The following CHST10 variants were observed in gnomAD, a reference collection of about 807,000 sequenced individuals.
The protein encoded by CHST10 is HNK-1 sulfotransferase.
CHST10 carries 24 observed loss-of-function variants against 34.7 expected under a neutral mutation model. The ratio of observed to expected loss-of-function variants is 0.69; its 90% CI spans 0.50 to 0.97. CHST10 has a LOEUF of 0.97. Ranked by LOEUF, CHST10 falls within the 50% of genes least tolerant of loss-of-function variation. The pLI is 0.00. For synonymous variants in CHST10, 161 were observed against 169.3 expected, an observed-to-expected ratio of 0.95 and a Z score of 0.38; for missense variants, 402 against 452.1, an observed-to-expected ratio of 0.89 and a Z score of 1.00.
rs201022725 is a variant in CHST10, at chr2:100,393,796, C to A, written c.534-14G>T. 4.4e-6 allele frequency: 7 copies of A among 1,597,500 alleles called. 1 individual carries two copies. The highest frequency in any genetic ancestry group is 3.3e-5 in the South Asian group (3 of 90,704). ...TATGTTTTCAATCTAAGGAAAAAAA[C>A]GAACAAGAGGTTAACTTGATGCCAC... On this transcript the variant is annotated splice_polypyrimidine_tract_variant and intron_variant, in intron 6 of 6. Transcript: ENST00000264249.
intron 3 of CHST10, among the ~76,000 whole-genome samples, chr2:100,404,514 T>A (rs1675484083): frequency 6.6e-6 from 1 of 152,164 alleles, no homozygotes; most frequent in Non-Finnish European, 1.5e-5. Context: ...TCCTTACCAC[T>A]CCTTTTCTCC....
chr2:100,417,062 T>C, intron 1 of CHST10: 3 of 1,303,964 alleles, frequency 2.3e-6, no homozygotes, highest in Non-Finnish European at 3.0e-6. Flanking sequence ...CCTTTCTTCC[T>C]CTCTCCATCT....
intron 4 of CHST10, among the ~76,000 whole-genome samples, chr2:100,399,384 C>T (rs774552676): frequency 7.9e-5 from 12 of 152,298 alleles, no homozygotes; most frequent in East Asian, 5.8e-4. Flanking sequence ...GGATTACAGG[C>T]GTAAGCCACC....
At chr2:100,401,382 TA>T (rs1405215877) in intron 4 of CHST10, among the ~76,000 whole-genome samples, 2 of 152,196 alleles carry the variant, frequency 1.3e-5, no homozygotes, top group African/African-American at 4.8e-5. Context: ...GCAGTCTTTT[TA>T]TTTGCAATGA....
intron 2 of CHST10, among the ~76,000 whole-genome samples, chr2:100,414,454 G>C (rs1411660135): frequency 6.6e-6 from 1 of 152,134 alleles, no homozygotes; most frequent in East Asian, 1.9e-4. Flanking sequence ...AGACAGACCA[G>C]GGCTGCAGAA....
At chr2:100,397,585 C>G (rs1573176231) in intron 5 of CHST10, among the ~76,000 whole-genome samples, 2 of 152,114 alleles carry the variant, frequency 1.3e-5, no homozygotes, top group South Asian at 4.1e-4. Flanking sequence ...GTGACTATAA[C>G]CATCAGCACA....
At chr2:100,400,537 G>T (rs575772139) in intron 4 of CHST10, among the ~76,000 whole-genome samples, 84 of 152,318 alleles carry the variant, frequency 5.5e-4, no homozygotes, top group Non-Finnish European at 7.4e-4. Context: ...ACCATGCCCA[G>T]CTAAAGAAAA....
intron 5 of CHST10, among the ~76,000 whole-genome samples, chr2:100,396,962 T>C (rs17024185): frequency 0.017 from 2,533 of 152,310 alleles, 21 homozygotes; most frequent in African/African-American, 0.031. Context: ...ATTAATTATA[T>C]GTGACAACCA....
In CHST10 at chr2:100,395,622, G is replaced by A; in HGVS notation, c.428-8C>T. ...CAATGGAAGAAAATGCTCCTGGGAA[G>A]TAAACGGAAAGGAAGGCAGGTTGGC... On this transcript the variant is annotated splice_polypyrimidine_tract_variant and splice_region_variant and intron_variant, in intron 5 of 6. Coordinates refer to ENST00000264249, the MANE Select transcript of CHST10 (RefSeq NM_004854.5). 1 of 1,612,482 alleles carries A rather than the reference G, an allele frequency of 6.2e-7. No individual in the cohort carries two copies. Among genetic ancestry groups the A allele is most frequent in the Non-Finnish European group, 8.5e-7 (1 of 1,178,608 alleles).
At chr2:100,414,922 G>T in intron 2 of CHST10, 119 bp downstream of exon 2, 1 of 547,906 alleles carries the variant, frequency 1.8e-6, no homozygotes, top group Non-Finnish European at 2.8e-6. Context: ...ACGTTTCTAA[G>T]CACACATTTA....
At chr2:100,394,618 G>A (rs963760560) in intron 6 of CHST10, among the ~76,000 whole-genome samples, 9 of 152,190 alleles carry the variant, frequency 5.9e-5, no homozygotes, top group Non-Finnish European at 1.2e-4. Context: ...GTGACCTGAC[G>A]TGAGCCGCTG....
chr2:100,394,140 A>T (rs555101574), intron 6 of CHST10, among the ~76,000 whole-genome samples: 2 of 152,338 alleles, frequency 1.3e-5, no homozygotes, highest in South Asian at 2.1e-4. Flanking sequence ...GCAGAAAATC[A>T]TAAGGGCAGG....
chr2:100,393,328 G>A lies in CHST10; in HGVS notation c.988C>T (p.Arg330Ter), dbSNP rs1257524758. The A allele has an allele frequency of 6.2e-6, 10 of 1,614,178 alleles. No homozygotes were observed. The highest frequency in any genetic ancestry group is 2.2e-5 in the South Asian group (2 of 91,078). ...VEHYFLGISKRDIRRLYARFE... is the reference protein window; with the variant it reads ...VEHYFLGISK Reference sequence around the variant, plus strand: ...CGGGCATACAGGCGTCGGATGTCTCGTTTGCTGATGCCCAGGAAATAGTGC... The same window carrying A: ...CGGGCATACAGGCGTCGGATGTCTCATTTGCTGATGCCCAGGAAATAGTGC... Residue 330 changes from arginine (R) to a stop codon, truncating the protein, a stop_gained, in exon 7 of 7, where the codon CGA (arginine) becomes TGA (stop). Transcript: ENST00000264249. LOFTEE classifies it high-confidence loss of function.
chr2:100,399,753 C>T (rs548218205), intron 4 of CHST10, among the ~76,000 whole-genome samples: 3 of 152,182 alleles, frequency 2.0e-5, no homozygotes, highest in Non-Finnish European at 4.4e-5. Context: ...GATGCTTTCT[C>T]CCTTGTGTGT....
At chr2:100,398,989 T>C (rs371138353) in intron 4 of CHST10, among the ~76,000 whole-genome samples, 14 of 152,280 alleles carry the variant, frequency 9.2e-5, no homozygotes, top group African/African-American at 2.9e-4. Context: ...GGAGGCATCC[T>C]GAGGGCATTC....
intron 1 of CHST10, chr2:100,416,527 T>C (rs1676075360): frequency 6.2e-6 from 1 of 161,276 alleles, no homozygotes; most frequent in Non-Finnish European, 1.4e-5. Flanking sequence ...ACCCAGTCAC[T>C]GAAAAGAGTG....
At chr2:100,404,570 C>T (rs1675487699) in intron 3 of CHST10, among the ~76,000 whole-genome samples, 1 of 152,174 alleles carries the variant, frequency 6.6e-6, no homozygotes, top group African/African-American at 2.4e-5. Context: ...TTTTTTCTAA[C>T]CGGGCCTACC....
chr2:100,401,404 C>A (rs748392474), intron 4 of CHST10, among the ~76,000 whole-genome samples: 1 of 152,192 alleles, frequency 6.6e-6, no homozygotes, highest in Non-Finnish European at 1.5e-5. Context: ...CTCCTGCAGG[C>A]TGGCAATCTC....
At chr2:100,412,551 G>A (rs965167024) in intron 2 of CHST10, among the ~76,000 whole-genome samples, 2 of 152,128 alleles carry the variant, frequency 1.3e-5, no homozygotes, top group Admixed American at 6.5e-5. Context: ...AGCTCTGTTC[G>A]TGACTCTAAT....
Sources: allele counts gnomAD v4.1 joint callset (sites outside exome capture counted in the v4.1 genomes callset), GRCh38; gene constraint gnomAD v4.1.1; transcripts MANE v1.5; gene names NCBI Gene and HGNC (gene_info 2026-07-23, HGNC 2026-07-21).